The following TMEM238 variants were observed in gnomAD, a reference collection of about 807,000 sequenced individuals.
The protein encoded by TMEM238 is transmembrane protein 238.
For synonymous variants in TMEM238, 103 were observed against 111.5 expected, an observed-to-expected ratio of 0.92 and a Z score of 0.48; for missense variants, 169 against 206.8, an observed-to-expected ratio of 0.82 and a Z score of 1.12.
In TMEM238 at chr19:55,383,856, G is replaced by T; in HGVS notation, c.404C>A (p.Pro135His). ...GGCTCGGCGCGCTCTCCGGGAGCCGGGCGCGGGGCGCTGGCCCGCGGCGGC... is the reference window on the plus strand; with the variant it reads ...GGCTCGGCGCGCTCTCCGGGAGCCGTGCGCGGGGCGCTGGCCCGCGGCGGC... ...APAAAGQRPAPGSRRARRAAR... is the reference protein window; with the variant it reads ...APAAAGQRPAHGSRRARRAAR... Residue 135 changes from proline to histidine, a missense_variant, in exon 1 of 2, where the codon CCC becomes CAC. Pro to His is a moderately conservative substitution (Grantham distance 77, BLOSUM62 -2). Transcript: ENST00000444469. The surrounding 1 kb of genome is among the most constrained non-coding windows in gnomAD (Gnocchi z 4.9). 2 of 891,856 alleles carry T rather than the reference G, an allele frequency of 2.2e-6. No homozygotes were observed. The highest frequency in any genetic ancestry group is 5.1e-5 in the South Asian group (1 of 19,766). The allele number at this position is 891,856 out of a possible 1,614,324, so 55.2% of individuals were successfully genotyped here. A position where few individuals can be genotyped will look rare whatever the true frequency, so the allele number is the denominator to read the frequency against.
chr19:55,381,975 A>G (rs1239733281), intron 1 of TMEM238, among the ~76,000 whole-genome samples: 1 of 152,036 alleles, frequency 6.6e-6, no homozygotes, highest in Non-Finnish European at 1.5e-5. Flanking sequence ...CCATCCGTCA[A>G]TCCAACCACA....
Position 55,384,187 on chromosome 19 carries a change from G to T in TMEM238, c.73C>A (p.Pro25Thr). 8.5e-7 allele frequency: 1 copy of T among 1,172,946 alleles called. No homozygotes were observed. Among genetic ancestry groups the T allele is most frequent in the Non-Finnish European group, 1.0e-6 (1 of 954,568 alleles). 72.7% of individuals were successfully genotyped at this position (1,172,946 alleles called of 1,614,324 possible). A position where few individuals can be genotyped will look rare whatever the true frequency, so the allele number is the denominator to read the frequency against. ...CGGCCCAGGCCGGCCGCGGGTGCTGGCGCGGCCGCCGGCGCGGACGGTGCA... is the reference window on the plus strand; with the variant it reads ...CGGCCCAGGCCGGCCGCGGGTGCTGTCGCGGCCGCCGGCGCGGACGGTGCA... ...PGAPSAPAAA[P>T]APAAGLGRCR... Residue 25 changes from proline to threonine, a missense_variant, in exon 1 of 2, where the codon CCA becomes ACA. By Grantham distance (38) the Pro-to-Thr change is conservative (BLOSUM62 -1). Coordinates refer to ENST00000444469, the MANE Select transcript of TMEM238 (RefSeq NM_001190764.2). This position sits in a 1 kb window ranked among gnomAD's most constrained non-coding sequence, Gnocchi z 5.6.
Position 55,382,969 on chromosome 19 carries a change from C to A in TMEM238, c.*7+753G>T, listed in dbSNP as rs573745158. 4.6e-5 allele frequency among the ~76,000 whole-genome samples: 7 copies of A among 152,214 alleles called. No homozygotes were observed. The East Asian group carries it at 5.8e-4, about 13-fold the overall frequency. ...AGGAGAATCCCAGCTCCTCCACCTA[C>A]GTGTTGTGTGGCCTTGGGCAAATGT... On this transcript the variant is annotated intron_variant, in intron 1 of 1. Coordinates refer to ENST00000444469, the MANE Select transcript of TMEM238 (RefSeq NM_001190764.2).
Position 55,383,811 on chromosome 19 carries a change from G to A in TMEM238, c.449C>T (p.Pro150Leu). The change falls in exon 1 of 2, where the codon CCC (proline) becomes CTC (leucine). Residue 150 changes from proline (P) to leucine (L), a missense_variant. Pro to Leu is a moderately conservative substitution (Grantham distance 98). Coordinates refer to ENST00000444469, the MANE Select transcript of TMEM238 (RefSeq NM_001190764.2). The surrounding 1 kb of genome is among the most constrained non-coding windows in gnomAD (Gnocchi z 4.9). ...GCGCACGCGGCGGGAGCCGGCGGCG[G>A]GCGGCGGGGGCGCGCGGGCGGCTCG... ...ARRAARAPPP[P>L]AAGSRRVRLQ... 2.3e-6 allele frequency: 1 copy of A among 426,648 alleles called. No individual in the cohort carries two copies. Among genetic ancestry groups the A allele is most frequent in the Non-Finnish European group, 3.1e-6 (1 of 322,420 alleles). 26.4% of individuals were successfully genotyped at this position (426,648 alleles called of 1,614,324 possible).
Position 55,383,805 on chromosome 19 carries a change from G to A in TMEM238, c.455C>T (p.Ala152Val). 2.8e-6 allele frequency: 1 copy of A among 362,404 alleles called. No individual in the cohort carries two copies. Among genetic ancestry groups the A allele is most frequent in the Non-Finnish European group, 3.8e-6 (1 of 263,572 alleles). 22.4% of individuals were successfully genotyped at this position (362,404 alleles called of 1,614,324 possible). A position where few individuals can be genotyped will look rare whatever the true frequency, so the allele number is the denominator to read the frequency against. ...CTGCAGGCGCACGCGGCGGGAGCCGGCGGCGGGCGGCGGGGGCGCGCGGGC... is the reference window on the plus strand; with the variant it reads ...CTGCAGGCGCACGCGGCGGGAGCCGACGGCGGGCGGCGGGGGCGCGCGGGC... The part of the protein sequence containing the change: ...RAARAPPPPA[A>V]GSRRVRLQLA... Residue 152 changes from alanine to valine, a missense_variant, in exon 1 of 2, where the codon GCC becomes GTC. Transcript: ENST00000444469. The surrounding 1 kb of genome is among the most constrained non-coding windows in gnomAD (Gnocchi z 4.9).
At chr19:55,380,686 A>G (rs2089883184) in intron 1 of TMEM238, among the ~76,000 whole-genome samples, 1 of 151,332 alleles carries the variant, frequency 6.6e-6, no homozygotes, top group African/African-American at 2.4e-5. Context: ...CGGCCTCCCA[A>G]AGTGCTGGGA....
intron 1 of TMEM238, among the ~76,000 whole-genome samples, chr19:55,382,238 C>T (rs1569037221): frequency 6.6e-6 from 1 of 152,160 alleles, no homozygotes; most frequent in Admixed American, 6.5e-5. Context: ...ATCCATCCAC[C>T]CATCCATCTA....
chr19:55,383,885 CGCCGACCAGCGGCGGGA>C lies in TMEM238; in HGVS notation c.358_374del (p.Ser120AlafsTer?), dbSNP rs2089896526. On this transcript the variant is annotated frameshift_variant, in exon 1 of 2. Coordinates refer to ENST00000444469, the MANE Select transcript of TMEM238 (RefSeq NM_001190764.2). LOFTEE classifies it low-confidence loss of function (END_TRUNC). This position sits in a 1 kb window ranked among gnomAD's most constrained non-coding sequence, Gnocchi z 4.9. ...CGGGGCGCTGGCCCGCGGCGGCGGG[CGCCGACCAGCGGCGGGA>C]GAGCTTGCGCGCCAGGCGGGCGAGC... 7.5e-6 allele frequency: 8 copies of C among 1,071,018 alleles called. No homozygotes were observed. Among genetic ancestry groups the C allele is most frequent in the East Asian group, 5.0e-5 (1 of 19,896 alleles). 66.3% of individuals were successfully genotyped at this position (1,071,018 alleles called of 1,614,324 possible). A position where few individuals can be genotyped will look rare whatever the true frequency, so the allele number is the denominator to read the frequency against.
At chr19:55,379,659 G>A (rs562655505) in intron 1 of TMEM238, among the ~76,000 whole-genome samples, 2 of 152,216 alleles carry the variant, frequency 1.3e-5, no homozygotes, top group Admixed American at 6.5e-5. Flanking sequence ...GAAGCACAGG[G>A]ACAAAGAAAG....
chr19:55,380,859 G>A (rs959565183), intron 1 of TMEM238, among the ~76,000 whole-genome samples: 7 of 151,822 alleles, frequency 4.6e-5, no homozygotes, highest in African/African-American at 1.2e-4. Flanking sequence ...CTCCCACCTC[G>A]GCCTCCCAAA....
chr19:55,383,788 G>T lies in TMEM238; in HGVS notation c.472C>A (p.Arg158Ser). ...GCCTCGAGCGTGGCGAGCTGCAGGC[G>T]CACGCGGCGGGAGCCGGCGGCGGGC... ...PPPAAGSRRV[R>S]LQLATLEAGP... The change falls in exon 1 of 2, where the codon CGC becomes AGC. Residue 158 changes from arginine to serine, a missense_variant. Arg to Ser is a moderately radical substitution (Grantham distance 110). Transcript: ENST00000444469. The surrounding 1 kb of genome is among the most constrained non-coding windows in gnomAD (Gnocchi z 4.9). 6.8e-6 allele frequency: 2 copies of T among 295,052 alleles called. No homozygotes were observed. Among genetic ancestry groups the T allele is most frequent in the Non-Finnish European group, 1.1e-5 (2 of 187,918 alleles). The allele number at this position is 295,052 out of a possible 1,614,324, so 18.3% of individuals were successfully genotyped here. A position where few individuals can be genotyped will look rare whatever the true frequency, so the allele number is the denominator to read the frequency against.
In TMEM238 at chr19:55,384,141, A is replaced by C. The variant is rs1471362331; in HGVS notation, c.119T>G (p.Leu40Arg). The C allele has an allele frequency of 6.3e-6, 9 of 1,426,464 alleles. No individual in the cohort carries two copies. The highest frequency in any genetic ancestry group is 8.3e-6 in the Non-Finnish European group (9 of 1,081,632). The allele number at this position is 1,426,464 out of a possible 1,614,324, so 88.4% of individuals were successfully genotyped here. A position where few individuals can be genotyped will look rare whatever the true frequency, so the allele number is the denominator to read the frequency against. The change falls in exon 1 of 2, where the codon CTG (leucine) becomes CGG (arginine). Residue 40 changes from leucine to arginine, a missense_variant. Transcript: ENST00000444469. The surrounding 1 kb of genome is among the most constrained non-coding windows in gnomAD (Gnocchi z 5.6). ...GCCCGCCACATCCAGCGCCACGGCC[A>C]GCAGCAGCGCCATCCGGCAGCGGCC... ...GLGRCRMALLLAVALDVAGMA... is the reference protein window; with the variant it reads ...GLGRCRMALLRAVALDVAGMA...
chr19:55,383,909 G>C lies in TMEM238; in HGVS notation c.351C>G (p.Arg117=), dbSNP rs1053945859. Residue 117 remains arginine, a synonymous_variant, in exon 1 of 2, where the codon CGC becomes CGG. Transcript: ENST00000444469. This position sits in a 1 kb window ranked among gnomAD's most constrained non-coding sequence, Gnocchi z 4.9. The part of the protein sequence containing the change: ...LRPSALARLA[R]KLSRRWSAPA... ...GCGCCGACCAGCGGCGGGAGAGCTT[G>C]CGCGCCAGGCGGGCGAGCGCCGAGG... 1.6e-4 allele frequency: 194 copies of C among 1,191,406 alleles called. No individual in the cohort carries two copies. Among genetic ancestry groups the C allele is most frequent in the Non-Finnish European group, 1.9e-4 (179 of 951,178 alleles). The allele number at this position is 1,191,406 out of a possible 1,614,324, so 73.8% of individuals were successfully genotyped here.
At chr19:55,382,229 TCCATCCACCCATCCATCTAC>T (rs1286582279) in intron 1 of TMEM238, among the ~76,000 whole-genome samples, 2 of 151,908 alleles carry the variant, frequency 1.3e-5, no homozygotes, top group Non-Finnish European at 2.9e-5. Context: ...AACTCATCCA[TCCATCCACCCATCCATCTAC>T]CCATCCACCC....
chr19:55,380,427 C>T (rs2089881998), intron 1 of TMEM238, among the ~76,000 whole-genome samples: 1 of 124,702 alleles, frequency 8.0e-6, no homozygotes, highest in Admixed American at 8.1e-5. Flanking sequence ...CTCCTCTCCT[C>T]TCCTTTTCTT....
In TMEM238 at chr19:55,379,378, G is replaced by T. The variant is rs1051820055; in HGVS notation, c.*8-11C>A. On this transcript the variant is annotated splice_polypyrimidine_tract_variant and intron_variant, in intron 1 of 1. Transcript: ENST00000444469. ...GAGCCAAGGGGTTGTCTGCAGGAGG[G>T]AGGGTGGAGTGAGCGACTGCTCAGG... The T allele has an allele frequency of 1.7e-4, 26 of 152,272 alleles. No homozygotes were observed. The highest frequency in any genetic ancestry group is 6.0e-4 in the African/African-American group (25 of 41,442). 9.4% of individuals were successfully genotyped at this position (152,272 alleles called of 1,614,324 possible).
At chr19:55,381,954 A>T (rs141803758) in intron 1 of TMEM238, among the ~76,000 whole-genome samples, 226 of 152,088 alleles carry the variant, frequency 1.5e-3, no homozygotes, top group African/African-American at 5.3e-3. Context: ...TCTACCCATT[A>T]AACAACCCAT....
chr19:55,379,858 C>T (rs1016453520), intron 1 of TMEM238, among the ~76,000 whole-genome samples: 1 of 151,828 alleles, frequency 6.6e-6, no homozygotes, highest in African/African-American at 2.4e-5. Context: ...AGGAAGACCC[C>T]GTCTCTGGTA....
In TMEM238 at chr19:55,383,453, C is replaced by T. The variant is rs1239949233; in HGVS notation, c.*7+269G>A. On this transcript the variant is annotated intron_variant, in intron 1 of 1. Transcript: ENST00000444469. This position sits in a 1 kb window ranked among gnomAD's most constrained non-coding sequence, Gnocchi z 4.9. ...TGTACCTGGAAGCTGGGGCTCTCCC[C>T]GTGCGGGGGGCCTAACTGTGTGACT... Among the ~76,000 whole-genome samples the T allele has an allele frequency of 2.6e-5, 4 of 152,160 alleles. No individual in the cohort carries two copies. Among genetic ancestry groups the T allele is most frequent in the African/African-American group, 7.2e-5 (3 of 41,450 alleles).
Sources: gnomAD v4.1 joint callset for allele counts (sites outside exome capture counted in the v4.1 genomes callset) on GRCh38, gnomAD v4.1.1 for gene constraint, Gnocchi (gnomAD v3.1) non-coding constraint, MANE v1.5 for transcripts, NCBI Gene and HGNC (gene_info 2026-07-23, HGNC 2026-07-21) for gene names.